Variants in ZNF475 observed in about 807,000 individuals in gnomAD.
The protein encoded by ZNF475 is zinc finger protein 475.
chr5:122,172,762 G>A, the ZNF475 span, among the ~76,000 whole-genome samples: 1 of 152,112 alleles, frequency 6.6e-6, no homozygotes, highest in Non-Finnish European at 1.5e-5. Flanking sequence ...GGCCGGGCGC[G>A]GTGGCTCACG....
the ZNF475 span, among the ~76,000 whole-genome samples, chr5:122,181,941 T>C: frequency 1.3e-5 from 2 of 152,248 alleles, no homozygotes; most frequent in Non-Finnish European, 2.9e-5. Flanking sequence ...TTAAAGAATA[T>C]CTGAGTTTAT....
At chr5:122,180,994 C>T in the ZNF475 span, among the ~76,000 whole-genome samples, 1 of 152,162 alleles carries the variant, frequency 6.6e-6, no homozygotes, top group Non-Finnish European at 1.5e-5. Flanking sequence ...ATGTTTCCTT[C>T]CCTTCTGATC....
chr5:122,181,035 C>T, the ZNF475 span, among the ~76,000 whole-genome samples: 4 of 152,096 alleles, frequency 2.6e-5, no homozygotes, highest in Non-Finnish European at 5.9e-5. Flanking sequence ...ACCATAACTA[C>T]CAGCAGGCTA....
chr5:122,164,431 A>G, the ZNF475 span, among the ~76,000 whole-genome samples: 1 of 152,230 alleles, frequency 6.6e-6, no homozygotes. Flanking sequence ...TAAAGCCAAG[A>G]GGAGGCAGTA....
chr5:122,166,019 G>A, the ZNF475 span, among the ~76,000 whole-genome samples: 1 of 152,202 alleles, frequency 6.6e-6, no homozygotes, highest in Non-Finnish European at 1.5e-5. Flanking sequence ...GAATGCAGGA[G>A]GCTTCCTTTA....
chr5:122,172,237 G>A, the ZNF475 span, among the ~76,000 whole-genome samples: 3 of 152,180 alleles, frequency 2.0e-5, no homozygotes, highest in East Asian at 5.8e-4. Context: ...GACTTTTCAG[G>A]GAGTAAAAGA....
At chr5:122,172,824 G>A in the ZNF475 span, among the ~76,000 whole-genome samples, 4 of 152,270 alleles carry the variant, frequency 2.6e-5, no homozygotes, top group South Asian at 6.2e-4. Flanking sequence ...ACGAGGTCAG[G>A]AGATCGAGAC....
chr5:122,166,094 T>C, the ZNF475 span, among the ~76,000 whole-genome samples: 1 of 152,334 alleles, frequency 6.6e-6, no homozygotes, highest in East Asian at 1.9e-4. Context: ...CAGCTCTCTC[T>C]TTTTGAGCTG....
the ZNF475 span, among the ~76,000 whole-genome samples, chr5:122,175,653 C>T: frequency 6.6e-6 from 1 of 152,118 alleles, no homozygotes; most frequent in African/African-American, 2.4e-5. Context: ...ATGTGAGCAC[C>T]ACCAATTCCT....
the ZNF475 span, among the ~76,000 whole-genome samples, chr5:122,180,830 C>A: frequency 6.6e-6 from 1 of 152,194 alleles, no homozygotes; most frequent in Non-Finnish European, 1.5e-5. Context: ...ATCCCAGCTA[C>A]TCACAGTGCT....
At chr5:122,165,522 G>A in the ZNF475 span, among the ~76,000 whole-genome samples, 45 of 152,124 alleles carry the variant, frequency 3.0e-4, no homozygotes, top group Non-Finnish European at 5.6e-4. Flanking sequence ...GATTACAACC[G>A]TATGGTTGGA....
the ZNF475 span, chr5:122,162,428 TCTAGACAA>T: frequency 1.3e-5 from 2 of 152,238 alleles, no homozygotes; most frequent in Non-Finnish European, 2.9e-5. Flanking sequence ...ACCAGTGGTT[TCTAGACAA>T]TCAAACTCTG....
chr5:122,167,467 G>C, the ZNF475 span, among the ~76,000 whole-genome samples: 1 of 152,182 alleles, frequency 6.6e-6, no homozygotes, highest in Non-Finnish European at 1.5e-5. Context: ...AAATTAAAGA[G>C]TTTAGAATAG....
At chr5:122,179,133 A>T in the ZNF475 span, among the ~76,000 whole-genome samples, 7 of 152,104 alleles carry the variant, frequency 4.6e-5, no homozygotes, top group African/African-American at 1.7e-4. Context: ...TGTTTTGGTT[A>T]CTGTAGTCTT....
the ZNF475 span, among the ~76,000 whole-genome samples, chr5:122,177,980 T>G: frequency 6.6e-6 from 1 of 152,032 alleles, no homozygotes; most frequent in Non-Finnish European, 1.5e-5. Flanking sequence ...CACTTATGAG[T>G]GAGAACATGG....
the ZNF475 span, chr5:122,160,209 A>G: frequency 2.3e-6 from 3 of 1,289,674 alleles, no homozygotes; most frequent in Non-Finnish European, 3.0e-6. Flanking sequence ...CCTGCATATC[A>G]GGGCAGCATT....
At chr5:122,164,254 A>G in the ZNF475 span, among the ~76,000 whole-genome samples, 8 of 152,236 alleles carry the variant, frequency 5.3e-5, no homozygotes, top group African/African-American at 1.9e-4. Context: ...AACAGGCTGC[A>G]TAGAGGGCAA....
At chr5:122,177,669 G>C in the ZNF475 span, among the ~76,000 whole-genome samples, 1 of 151,952 alleles carries the variant, frequency 6.6e-6, no homozygotes, top group Non-Finnish European at 1.5e-5. Flanking sequence ...AAATCATGTT[G>C]ATTTTCCAGC....
chr5:122,181,583 G>A, the ZNF475 span, among the ~76,000 whole-genome samples: 185 of 152,278 alleles, frequency 1.2e-3, 1 homozygote, highest in African/African-American at 4.4e-3. Flanking sequence ...GTGGTTGTGT[G>A]AACCATTAGA....
Sources: gnomAD v4.1 joint callset for allele counts (sites outside exome capture counted in the v4.1 genomes callset) on GRCh38, gnomAD v4.1.1 for gene constraint, MANE v1.5 for transcripts, NCBI Gene and HGNC (gene_info 2026-07-23, HGNC 2026-07-21) for gene names.